ANKS1B: variants seen among roughly 807,000 people sequenced by gnomAD.
ANKS1B encodes the protein ankyrin repeat and sterile alpha motif domain containing 1B, also known as ankyrin repeat and sterile alpha motif domain-containing protein 1B.
Under a neutral mutation model 148.3 loss-of-function variants are expected in ANKS1B, and 36 were observed. That is an observed-to-expected ratio of 0.24 (90% CI 0.19 to 0.32). ANKS1B has a LOEUF of 0.32. Among genes scored for constraint, ANKS1B ranks in the 10% least tolerant of loss-of-function variants. The probability of loss-of-function intolerance (pLI) is 1.00; values close to 1 mark genes in which losing one functional copy is unlikely to be tolerated. For synonymous variants in ANKS1B, 542 were observed against 560.8 expected (o/e 0.97, Z 0.47); for missense variants, 1,157 against 1,542.6 (o/e 0.75, Z 4.19).
intron 16 of ANKS1B, among the ~76,000 whole-genome samples, chr12:99,078,996 A>G (rs868724274): frequency 6.6e-6 from 1 of 152,184 alleles, no homozygotes. Context: ...TGTGGTGACA[A>G]GGAACTAAGG....
rs562812052 is a variant in ANKS1B, at chr12:99,137,657, AT to A, written c.2526+16631del. On this transcript the variant is annotated intron_variant, in intron 15 of 26. Transcript: ENST00000683438. The stretch of plus-strand genomic sequence containing the variant: ...TTGGTTTTATGTATTTCCTCTTTTC[AT>A]TTTTTTTAAATGGTGTTATGTATTT... Among the ~76,000 whole-genome samples, 5 of 151,730 alleles carry A rather than the reference AT, an allele frequency of 3.3e-5. No homozygotes were observed. The South Asian group carries it at 6.3e-4, about 19-fold the overall frequency.
chr12:99,502,740 G>A (rs1227818176), intron 10 of ANKS1B, among the ~76,000 whole-genome samples: 1 of 152,010 alleles, frequency 6.6e-6, no homozygotes, highest in Non-Finnish European at 1.5e-5. Context: ...TGCATATAAA[G>A]CACTTAGAAC....
chr12:99,618,818 C>T (rs933337272), intron 9 of ANKS1B, among the ~76,000 whole-genome samples: 1 of 152,088 alleles, frequency 6.6e-6, no homozygotes, highest in Non-Finnish European at 1.5e-5. Flanking sequence ...TCAAGCTTTT[C>T]TTTGTGACTC....
At chr12:98,735,362 G>A in exon 10 of ANKS1B, 1 of 426,484 alleles carries the variant, frequency 2.3e-6, no homozygotes, top group Non-Finnish European at 4.2e-6. Context: ...TTTTTGCCTT[G>A]GTATACATTT....
chr12:99,484,091 T>C (rs890338703), intron 10 of ANKS1B, among the ~76,000 whole-genome samples: 3 of 152,042 alleles, frequency 2.0e-5, no homozygotes, highest in African/African-American at 7.2e-5. Flanking sequence ...AACATAAGGT[T>C]GTTAAAATTT....
chr12:99,437,421 A>G (rs761105117), intron 11 of ANKS1B, among the ~76,000 whole-genome samples: 16 of 152,110 alleles, frequency 1.1e-4, no homozygotes, highest in Middle Eastern at 3.4e-3. Flanking sequence ...TTCTTAGGAT[A>G]TTCTTATGCT....
chr12:99,514,789 G>A (rs1390192115), intron 9 of ANKS1B, among the ~76,000 whole-genome samples: 1 of 151,974 alleles, frequency 6.6e-6, no homozygotes, highest in African/African-American at 2.4e-5. Context: ...GCCTTTGTAT[G>A]TCCCCTTCCC....
intron 16 of ANKS1B, 27 bp downstream of exon 16, chr12:99,084,898 G>C (rs372936614): frequency 6.4e-7 from 1 of 1,558,422 alleles, no homozygotes; most frequent in East Asian, 2.3e-5. Flanking sequence ...CCGTACACAG[G>C]ACTAGGGCAA....
intron 8 of ANKS1B, among the ~76,000 whole-genome samples, chr12:99,724,766 G>C (rs1453034538): frequency 6.6e-6 from 1 of 152,126 alleles, no homozygotes; most frequent in African/African-American, 2.4e-5. Context: ...AGAAAGACCA[G>C]GTCACCCACA....
At chr12:99,322,050 A>G (rs2085376947) in intron 12 of ANKS1B, among the ~76,000 whole-genome samples, 1 of 152,186 alleles carries the variant, frequency 6.6e-6, no homozygotes, top group Non-Finnish European at 1.5e-5. Flanking sequence ...ATAAAGACAA[A>G]TGCACACGTA....
chr12:99,424,630 CACACACACACACACACAT>C (rs2095199332), intron 11 of ANKS1B, among the ~76,000 whole-genome samples: 1 of 151,230 alleles, frequency 6.6e-6, no homozygotes, highest in African/African-American at 2.4e-5. Context: ...GAAACACACA[CACACACACACACACACAT>C]ACACACACAC....
chr12:98,870,491 T>A (rs1019382899), intron 17 of ANKS1B, among the ~76,000 whole-genome samples: 1 of 152,354 alleles, frequency 6.6e-6, no homozygotes, highest in Non-Finnish European at 1.5e-5. Context: ...TTTCTTTTCT[T>A]TGCTATTTAA....
chr12:98,835,352 CAT>C (rs1368691521), intron 17 of ANKS1B, among the ~76,000 whole-genome samples: 2 of 152,174 alleles, frequency 1.3e-5, no homozygotes, highest in African/African-American at 4.8e-5. Flanking sequence ...GTGCCTGACA[CAT>C]AGAAGAAGCA....
At chr12:99,313,447 G>A (rs866134987) in intron 12 of ANKS1B, among the ~76,000 whole-genome samples, 3 of 151,884 alleles carry the variant, frequency 2.0e-5, no homozygotes, top group South Asian at 2.1e-4. Context: ...TACCAAAACC[G>A]GGCAGAGACA....
chr12:99,503,717 C>T (rs184987507), intron 10 of ANKS1B, among the ~76,000 whole-genome samples: 1 of 151,880 alleles, frequency 6.6e-6, no homozygotes, highest in Non-Finnish European at 1.5e-5. Flanking sequence ...ACTTGTACCA[C>T]ATCACTTCTA....
intron 12 of ANKS1B, among the ~76,000 whole-genome samples, chr12:99,393,444 T>C (rs80279333): frequency 1.3e-5 from 2 of 152,182 alleles, no homozygotes; most frequent in African/African-American, 4.8e-5. Context: ...GGACAAAGTA[T>C]AGAAGAAGTG....
intron 16 of ANKS1B, 84 bp from the exon 17 acceptor site, chr12:99,053,393 T>C (rs2099967499): frequency 2.7e-6 from 3 of 1,109,230 alleles, no homozygotes; most frequent in East Asian, 3.1e-5. Flanking sequence ...TGAAAATTTA[T>C]TTGACATGAA....
At chr12:99,357,632 T>C (rs1428056889) in intron 12 of ANKS1B, among the ~76,000 whole-genome samples, 1 of 152,164 alleles carries the variant, frequency 6.6e-6, no homozygotes, top group East Asian at 1.9e-4. Context: ...TGAGATGTAA[T>C]TGCCTTGGTG....
At position 99,411,766 on chromosome 12, in the gene ANKS1B, A is replaced by G. The variant is rs139147067; in HGVS notation, c.1576-11955T>C. Among the ~76,000 whole-genome samples the G allele has an allele frequency of 3.9e-5, 6 of 152,208 alleles. 1 individual carries two copies. The highest frequency in any genetic ancestry group is 1.4e-4 in the African/African-American group (6 of 41,534). On this transcript the variant is annotated intron_variant, in intron 11 of 26. Transcript: ENST00000683438. ...TATATTCCCATTGATCTATTTGTCTATTCCTGTACTAACATCACACTCTCT... is the reference window on the plus strand; with the variant it reads ...TATATTCCCATTGATCTATTTGTCTGTTCCTGTACTAACATCACACTCTCT...
Sources: gnomAD v4.1 joint callset for allele counts (sites outside exome capture counted in the v4.1 genomes callset) on GRCh38, gnomAD v4.1.1 for gene constraint, MANE v1.5 for transcripts, NCBI Gene and HGNC (gene_info 2026-07-23, HGNC 2026-07-21) for gene names.